NRF1: variants seen among roughly 807,000 people sequenced by gnomAD.
NRF1 encodes alpha palindromic-binding protein.
In NRF1, 5 loss-of-function variants were observed where a neutral mutation model predicts 58.5. The ratio of observed to expected loss-of-function variants is 0.09; its 90% confidence interval spans 0.04 to 0.18. The LOEUF (loss-of-function observed/expected upper bound fraction) is 0.18, where lower values mean the gene tolerates loss of function less well. Among genes scored for constraint, NRF1 ranks in the 10% least tolerant of loss-of-function variants. The pLI, the probability that NRF1 is intolerant of heterozygous loss-of-function variation, is 1.00. For synonymous variants in NRF1, 224 were observed against 246.7 expected (o/e 0.91, Z 0.86); for missense variants, 288 against 657.7 (o/e 0.44, Z 6.15).
chr7:129,634,778 A>C (rs567015336), intron 1 of NRF1, among the ~76,000 whole-genome samples: 1 of 152,358 alleles, frequency 6.6e-6, no homozygotes, highest in South Asian at 2.1e-4. Flanking sequence ...ACAGGCTTCC[A>C]AAGTGGCTGA....
chr7:129,711,631 A>G (rs1260625339), intron 8 of NRF1, 55 bp downstream of exon 8: 1 of 1,408,962 alleles, frequency 7.1e-7, no homozygotes, highest in Non-Finnish European at 9.9e-7. Flanking sequence ...ATAATGAGGG[A>G]AAAGCAAGGG....
chr7:129,739,062 A>G (rs1034325669), intron 10 of NRF1, among the ~76,000 whole-genome samples: 12 of 152,252 alleles, frequency 7.9e-5, no homozygotes, highest in African/African-American at 2.9e-4. Flanking sequence ...TTAGAAGTCA[A>G]AGACTCACGG....
chr7:129,662,740 GTTTA>G (rs558542957), intron 2 of NRF1, among the ~76,000 whole-genome samples: 17 of 151,994 alleles, frequency 1.1e-4, no homozygotes, highest in East Asian at 1.9e-4. Context: ...CCAATTTAAG[GTTTA>G]TTTATTTATT....
intron 1 of NRF1, among the ~76,000 whole-genome samples, chr7:129,625,973 C>T (rs1467379510): frequency 6.6e-6 from 1 of 151,940 alleles, no homozygotes; most frequent in Non-Finnish European, 1.5e-5. Context: ...TGAGCCACCA[C>T]ACCCAGCCCC....
intron 8 of NRF1, among the ~76,000 whole-genome samples, chr7:129,716,023 A>G (rs1803181440): frequency 1.3e-5 from 2 of 152,206 alleles, no homozygotes; most frequent in Admixed American, 1.3e-4. Context: ...AAAAAAAAAA[A>G]AGCCATTCTA....
At chr7:129,708,598 T>C (rs1803003538) in intron 5 of NRF1, among the ~76,000 whole-genome samples, 1 of 152,218 alleles carries the variant, frequency 6.6e-6, no homozygotes, top group African/African-American at 2.4e-5. Context: ...TTTCATTTGA[T>C]CTCTTTGGAA....
chr7:129,714,936 G>A (rs1803153714), intron 8 of NRF1, among the ~76,000 whole-genome samples: 1 of 152,192 alleles, frequency 6.6e-6, no homozygotes, highest in Admixed American at 6.5e-5. Context: ...AGCAAGAGCT[G>A]CAGTAAGCAC....
chr7:129,714,347 TGAGA>T (rs2116208770), intron 8 of NRF1, among the ~76,000 whole-genome samples: 1 of 152,344 alleles, frequency 6.6e-6, no homozygotes, highest in Admixed American at 6.5e-5. Context: ...TTTGAGGACT[TGAGA>T]GAGCCTCACT....
chr7:129,700,654 A>G (rs1375707774), intron 5 of NRF1, among the ~76,000 whole-genome samples: 1 of 152,236 alleles, frequency 6.6e-6, no homozygotes, highest in Non-Finnish European at 1.5e-5. Context: ...GTGGTGGCCC[A>G]TGCCTGTAAT....
In NRF1 at chr7:129,612,344, G is replaced by GCCGCT. The variant is rs1164266985; in HGVS notation, c.-7+521_-7+525dup. 2.0e-5 allele frequency among the ~76,000 whole-genome samples: 3 copies of GCCGCT among 152,144 alleles called. No individual in the cohort carries two copies. In the East Asian group the frequency reaches 5.8e-4, roughly 30 times the overall value. On this transcript the variant is annotated intron_variant, in intron 1 of 10. Coordinates refer to ENST00000393232, the MANE Select transcript of NRF1 (RefSeq NM_005011.5). ...GGTGGGGCCGGGCTGGGGCGCGGGA[G>GCCGCT]CCGCTGTCTCCTGCGGGAGAGGAGG... is the stretch of plus-strand genomic sequence containing the variant.
chr7:129,723,191 C>T (rs906487685), intron 9 of NRF1, among the ~76,000 whole-genome samples: 6 of 152,012 alleles, frequency 3.9e-5, no homozygotes, highest in Non-Finnish European at 7.4e-5. Context: ...TGCCTGTAAT[C>T]CCAGCACTTT....
At chr7:129,738,973 C>A (rs1244283523) in intron 10 of NRF1, among the ~76,000 whole-genome samples, 2 of 152,212 alleles carry the variant, frequency 1.3e-5, no homozygotes, top group Non-Finnish European at 2.9e-5. Flanking sequence ...TATTATTCAT[C>A]TGGTTATGCT....
intron 5 of NRF1, among the ~76,000 whole-genome samples, chr7:129,698,929 A>T (rs1302387354): frequency 2.0e-5 from 3 of 152,226 alleles, no homozygotes; most frequent in Non-Finnish European, 4.4e-5. Flanking sequence ...GGGAGGTGGT[A>T]AATCTCTTTG....
chr7:129,744,141 T>C, intron 10 of NRF1: 4 of 1,500,772 alleles, frequency 2.7e-6, no homozygotes, highest in Non-Finnish European at 3.5e-6. Flanking sequence ...TTTTTTTTTT[T>C]TTTTTTTTTA....
chr7:129,661,213 T>G (rs187039843), intron 2 of NRF1, among the ~76,000 whole-genome samples: 1,551 of 151,390 alleles, frequency 0.01, 24 homozygotes, highest in Middle Eastern at 0.027. Flanking sequence ...TGAAACCTCC[T>G]AGGTCTCCAG....
At chr7:129,746,866 C>T (rs1159030614) in intron 10 of NRF1, among the ~76,000 whole-genome samples, 3 of 152,208 alleles carry the variant, frequency 2.0e-5, no homozygotes. Flanking sequence ...CTCTCAACAG[C>T]CATCAATATT....
intron 9 of NRF1, among the ~76,000 whole-genome samples, chr7:129,720,745 T>TA (rs1436145144): frequency 6.6e-6 from 1 of 152,136 alleles, no homozygotes; most frequent in African/African-American, 2.4e-5. Context: ...ACCACGCTGT[T>TA]AAGAGAATTT....
At chr7:129,670,376 A>G (rs1337555263) in intron 2 of NRF1, among the ~76,000 whole-genome samples, 1 of 152,212 alleles carries the variant, frequency 6.6e-6, no homozygotes, top group Non-Finnish European at 1.5e-5. Context: ...GCAGCCATAA[A>G]ATTTTTTCTG....
chr7:129,698,385 T>A (rs930298081), intron 5 of NRF1, among the ~76,000 whole-genome samples: 6 of 151,888 alleles, frequency 4.0e-5, no homozygotes, highest in Non-Finnish European at 8.8e-5. Flanking sequence ...CTCTATGATA[T>A]TTTTAGTTAT....
Sources: gnomAD v4.1 joint callset for allele counts (sites outside exome capture counted in the v4.1 genomes callset) on GRCh38, gnomAD v4.1.1 for gene constraint, MANE v1.5 for transcripts, NCBI Gene and HGNC (gene_info 2026-07-23, HGNC 2026-07-21) for gene names.